FOXP2: variants seen among roughly 807,000 people sequenced by gnomAD.
FOXP2 encodes the protein forkhead box P2, also known as forkhead box protein P2.
In FOXP2, 12 loss-of-function variants were observed where a neutral mutation model predicts 115.8. That is an observed-to-expected ratio of 0.10 (90% CI 0.07 to 0.17). The LOEUF (loss-of-function observed/expected upper bound fraction) is 0.17. Ranked by LOEUF, FOXP2 falls within the 10% of genes least tolerant of loss-of-function variation. The probability of loss-of-function intolerance (pLI) is 1.00; values close to 1 mark genes in which losing one functional copy is unlikely to be tolerated. For missense variants in FOXP2, 629 were observed against 843.5 expected, an observed-to-expected ratio of 0.75 and a Z score of 3.15; for synonymous variants, 328 against 297.7, an observed-to-expected ratio of 1.10 and a Z score of -1.05.
At chr7:114,662,033 T>G in intron 13 of FOXP2, 32 bp from the exon 14 acceptor site, 1 of 1,611,314 alleles carries the variant, frequency 6.2e-7, no homozygotes, top group Non-Finnish European at 8.5e-7. Flanking sequence ...ATATTATTTT[T>G]GCCATTTTTT....
At chr7:114,129,150 C>T (rs970338723) in intron 1 of FOXP2, among the ~76,000 whole-genome samples, 16 of 152,246 alleles carry the variant, frequency 1.1e-4, no homozygotes, top group East Asian at 7.7e-4. Context: ...TAGAGCAAGA[C>T]GATACCTTAG....
At chr7:114,295,037 CTT>C (rs1196245173) in intron 2 of FOXP2, among the ~76,000 whole-genome samples, 1 of 151,864 alleles carries the variant, frequency 6.6e-6, no homozygotes, top group African/African-American at 2.4e-5. Flanking sequence ...AAAACGATAA[CTT>C]GTTCATATTT....
At chr7:114,170,087 A>G (rs1268259988) in intron 1 of FOXP2, among the ~76,000 whole-genome samples, 1 of 152,174 alleles carries the variant, frequency 6.6e-6, no homozygotes, top group Non-Finnish European at 1.5e-5. Context: ...TTTCCAACAG[A>G]ATGTGATCAC....
Position 114,460,219 on chromosome 7 carries a change from G to A in FOXP2, c.168+33540G>A, listed in dbSNP as rs563513771. Among the ~76,000 whole-genome samples the A allele has an allele frequency of 5.6e-4, 85 of 152,140 alleles. No individual in the cohort carries two copies. In the South Asian group the frequency reaches 0.017, roughly 31 times the overall value. The stretch of plus-strand genomic sequence containing the variant: ...CTGGGCATCCATACAGGAATGAGGG[G>A]GAGTCATGGCTCAAAGAACCCACAA... On this transcript the variant is annotated intron_variant, in intron 2 of 16. Transcript: ENST00000350908.
chr7:114,158,866 C>T (rs776699828), upstream of FOXP2, among the ~76,000 whole-genome samples: 1 of 152,010 alleles, frequency 6.6e-6, no homozygotes, highest in Non-Finnish European at 1.5e-5. Flanking sequence ...TTTCCTTGGT[C>T]TGAGAGCAAT....
At chr7:114,289,439 TG>T (rs1796541467) in intron 2 of FOXP2, among the ~76,000 whole-genome samples, 1 of 151,786 alleles carries the variant, frequency 6.6e-6, no homozygotes, top group Non-Finnish European at 1.5e-5. Context: ...TTGTGGTGAG[TG>T]GGGACATTAT....
intron 6 of FOXP2, among the ~76,000 whole-genome samples, chr7:114,632,688 C>G (rs1043335697): frequency 4.6e-5 from 7 of 152,100 alleles, no homozygotes; most frequent in Non-Finnish European, 8.8e-5. Flanking sequence ...ATTAATGTCT[C>G]TTTGGCTTTT....
At chr7:114,113,101 A>C (rs2129142491) in intron 1 of FOXP2, among the ~76,000 whole-genome samples, 1 of 152,318 alleles carries the variant, frequency 6.6e-6, no homozygotes, top group Non-Finnish European at 1.5e-5. Flanking sequence ...AAGAATTAAC[A>C]CTTTAGAAGA....
At chr7:114,553,376 T>C (rs1297537700) in intron 3 of FOXP2, among the ~76,000 whole-genome samples, 1 of 152,206 alleles carries the variant, frequency 6.6e-6, no homozygotes, top group African/African-American at 2.4e-5. Flanking sequence ...TGAGCTCTTG[T>C]AAAAATAAAA....
At chr7:114,635,252 C>G (rs1270572342) in intron 6 of FOXP2, among the ~76,000 whole-genome samples, 1 of 152,122 alleles carries the variant, frequency 6.6e-6, no homozygotes, top group Non-Finnish European at 1.5e-5. Context: ...GTCTAAGTAG[C>G]CAAATGCCTA....
chr7:114,534,838 G>T, intron 3 of FOXP2, 132 bp downstream of exon 3: 1 of 719,976 alleles, frequency 1.4e-6, no homozygotes, highest in South Asian at 1.6e-5. Flanking sequence ...AATTCATAAA[G>T]AGAATTCATT....
intron 2 of FOXP2, among the ~76,000 whole-genome samples, chr7:114,339,701 T>C (rs182159968): frequency 6.6e-6 from 1 of 151,288 alleles, no homozygotes; most frequent in Non-Finnish European, 1.5e-5. Flanking sequence ...AATTCTTATA[T>C]TCCTTTTTGT....
intron 1 of FOXP2, among the ~76,000 whole-genome samples, chr7:114,126,633 T>C (rs1791717401): frequency 6.6e-6 from 1 of 152,136 alleles, no homozygotes; most frequent in Admixed American, 6.6e-5. Context: ...TAAAAGGACA[T>C]ACATAATCTT....
chr7:114,377,407 G>T (rs1444434265), intron 2 of FOXP2, among the ~76,000 whole-genome samples: 1 of 152,138 alleles, frequency 6.6e-6, no homozygotes, highest in Non-Finnish European at 1.5e-5. Flanking sequence ...GTCATTCTGG[G>T]GAGGTAATAG....
chr7:114,386,009 G>T (rs1053123611), intron 2 of FOXP2, among the ~76,000 whole-genome samples: 1 of 152,190 alleles, frequency 6.6e-6, no homozygotes, highest in African/African-American at 2.4e-5. Flanking sequence ...TGTTCAGCTC[G>T]ATTAGGACGA....
intron 1 of FOXP2, among the ~76,000 whole-genome samples, chr7:114,128,507 A>G (rs1490376605): frequency 6.6e-6 from 1 of 151,238 alleles, no homozygotes; most frequent in South Asian, 2.1e-4. Flanking sequence ...TTTTCAGTGT[A>G]AGTATTGTAT....
At chr7:114,255,304 A>G (rs1387478541) in intron 1 of FOXP2, among the ~76,000 whole-genome samples, 1 of 151,690 alleles carries the variant, frequency 6.6e-6, no homozygotes, top group Non-Finnish European at 1.5e-5. Context: ...GAGAACCACT[A>G]CTCTTTTCAA....
intron 3 of FOXP2, among the ~76,000 whole-genome samples, chr7:114,553,601 A>T (rs1010752260): frequency 5.9e-5 from 9 of 152,156 alleles, no homozygotes; most frequent in African/African-American, 2.2e-4. Flanking sequence ...TTGTTGACAG[A>T]TTACATCTTA....
chr7:114,609,886 T>C (rs1803538252), intron 3 of FOXP2, among the ~76,000 whole-genome samples: 1 of 152,252 alleles, frequency 6.6e-6, no homozygotes, highest in African/African-American at 2.4e-5. Context: ...TTCAGCATTA[T>C]CACTTTTTGT....
Sources: gnomAD v4.1 joint callset for allele counts (sites outside exome capture counted in the v4.1 genomes callset) on GRCh38, gnomAD v4.1.1 for gene constraint, MANE v1.5 for transcripts, NCBI Gene and HGNC (gene_info 2026-07-23, HGNC 2026-07-21) for gene names.